TEDC2: variants seen among roughly 807,000 people sequenced by gnomAD.
TEDC2 encodes tubulin epsilon and delta complex protein 2.
TEDC2 carries 49 observed loss-of-function variants against 48.1 expected under a neutral mutation model. The ratio of observed to expected loss-of-function variants is 1.02; its 90% confidence interval spans 0.81 to 1.29. The LOEUF (loss-of-function observed/expected upper bound fraction) is 1.29. TEDC2 is among the 50% of genes most tolerant of loss of function. TEDC2 has a pLI of 0.00. For synonymous variants in TEDC2, 299 were observed against 247.1 expected, an observed-to-expected ratio of 1.21 and a Z score of -1.97; for missense variants, 631 against 571.4, an observed-to-expected ratio of 1.10 and a Z score of -1.06.
In TEDC2 at chr16:2,460,166, C is replaced by T. The variant is rs769454948; in HGVS notation, c.22C>T (p.Arg8Cys). 3.0e-6 allele frequency: 4 copies of T among 1,348,898 alleles called. No individual in the cohort carries two copies. In the South Asian group the frequency reaches 7.4e-5, roughly 25 times the overall value. 83.6% of individuals were successfully genotyped at this position (1,348,898 alleles called of 1,614,324 possible). Residue 8 changes from arginine (R) to cysteine (C), a missense_variant, in exon 1 of 10, where the codon CGC (arginine) becomes TGC (cysteine). By Grantham distance (180) the Arg-to-Cys change is radical. Coordinates refer to ENST00000361837, the MANE Select transcript of TEDC2 (RefSeq NM_025108.3). ...CTTCATGCTGCCGGCGGGCTGCTCGCGCCGGTGAGGCCTGCGCGGCAGGAG... is the reference window on the plus strand; with the variant it reads ...CTTCATGCTGCCGGCGGGCTGCTCGTGCCGGTGAGGCCTGCGCGGCAGGAG... MLPAGCS[R>C]RLVAELQGAL...
rs375279557 is a variant in TEDC2 at position 2,462,407 on chromosome 16, A to G, written c.751-8A>G. On this transcript the variant is annotated splice_region_variant and splice_polypyrimidine_tract_variant and intron_variant, in intron 6 of 9. Coordinates refer to ENST00000361837, the MANE Select transcript of TEDC2 (RefSeq NM_025108.3). ...GGCTGCAGGGAAGTTTTCCTGACCC[A>G]TATCCAGTCAGGCGGGCCCCAGCCC... The G allele has an allele frequency of 3.7e-6, 6 of 1,611,716 alleles. No homozygotes were observed. The African/African-American group carries it at 4.0e-5, about 11-fold the overall frequency.
rs771920916 is a variant in TEDC2 at position 2,464,696 on chromosome 16, T to A, written c.*28T>A. 3 of 1,611,860 alleles carry A rather than the reference T, an allele frequency of 1.9e-6. No individual in the cohort carries two copies. The highest frequency in any genetic ancestry group is 2.5e-6 in the Non-Finnish European group (3 of 1,179,644). ...CTTTCCCATGCTGCCCTCGGCCTGTTCAGATGGGGATTGGGGGTGTCTTCC... is the reference window on the plus strand; with the variant it reads ...CTTTCCCATGCTGCCCTCGGCCTGTACAGATGGGGATTGGGGGTGTCTTCC... On this transcript the variant is annotated 3_prime_UTR_variant, in exon 10 of 10. Transcript: ENST00000361837.
At chr16:2,461,485 C>A in intron 4 of TEDC2, 1 of 644,728 alleles carries the variant, frequency 1.6e-6, no homozygotes, top group Non-Finnish European at 2.6e-6. Flanking sequence ...AGGCCAGAGG[C>A]TCCAGATGGG....
chr16:2,462,754 G>C (rs1157050864), intron 8 of TEDC2, 22 bp downstream of exon 8: 1 of 1,523,386 alleles, frequency 6.6e-7, no homozygotes, highest in East Asian at 2.5e-5. Context: ...CCCCCACCCT[G>C]CCACCTGCAC....
At position 2,460,833 on chromosome 16, in the gene TEDC2, CA is replaced by C; in HGVS notation, c.216del (p.Asp73ThrfsTer8). Reference sequence around the variant, plus strand: ...TTTCACAGCATGCACACCCAGTCCACAAGACCTCAAAGAGTTGGAGTTTCTG... The same window carrying C: ...TTTCACAGCATGCACACCCAGTCCACAGACCTCAAAGAGTTGGAGTTTCTG... ...DPLPACTPSP[Q>X]DLKELEFLTQ... On this transcript the variant is annotated frameshift_variant, in exon 4 of 10. Coordinates refer to ENST00000361837, the MANE Select transcript of TEDC2 (RefSeq NM_025108.3). LOFTEE classifies it high-confidence loss of function. 6.2e-7 allele frequency: 1 copy of C among 1,612,806 alleles called. No individual in the cohort carries two copies. Among genetic ancestry groups the C allele is most frequent in the Non-Finnish European group, 8.5e-7 (1 of 1,179,656 alleles).
At position 2,461,809 on chromosome 16, in the gene TEDC2, G is replaced by A; in HGVS notation, c.659+9G>A. 6.2e-7 allele frequency: 1 copy of A among 1,613,512 alleles called. No individual in the cohort carries two copies. Among genetic ancestry groups the A allele is most frequent in the Non-Finnish European group, 8.5e-7 (1 of 1,179,990 alleles). Reference sequence around the variant, plus strand: ...GCTTCCCAGAACTCGAGGTGAGGCTGAGGTCTTTGGCTGGACGGGGGTAGG... The same window carrying A: ...GCTTCCCAGAACTCGAGGTGAGGCTAAGGTCTTTGGCTGGACGGGGGTAGG... On this transcript the variant is annotated intron_variant, in intron 5 of 9. Coordinates refer to ENST00000361837, the MANE Select transcript of TEDC2 (RefSeq NM_025108.3).
rs112474746 is a variant in TEDC2, at chr16:2,461,515, TGCTCACAGGGCCCC to T, written c.606-217_606-204del. ...GATGGGCTCTGGAGGGCGTGGGATC[TGCTCACAGGGCCCC>T]GCTCACAGGGCCCCCTCTTCTCTCT... is the stretch of plus-strand genomic sequence containing the variant. On this transcript the variant is annotated intron_variant, in intron 4 of 9. Coordinates refer to ENST00000361837, the MANE Select transcript of TEDC2 (RefSeq NM_025108.3). 7.3e-3 allele frequency: 4,644 copies of T among 639,858 alleles called. 143 individuals carry two copies. The African/African-American group carries it at 0.075, about 10-fold the overall frequency. 39.6% of individuals were successfully genotyped at this position (639,858 alleles called of 1,614,324 possible). A position where few individuals can be genotyped will look rare whatever the true frequency, so the allele number is the denominator to read the frequency against.
In TEDC2 at chr16:2,464,665, C is replaced by G; in HGVS notation, c.1299C>G (p.Val433=). The G allele has an allele frequency of 6.2e-7, 1 of 1,613,056 alleles. No homozygotes were observed. Among genetic ancestry groups the G allele is most frequent in the South Asian group, 1.1e-5 (1 of 91,068 alleles). ...CCATCCTGCGGGATGAACCTGCAGT[C>G]TGAGCCTTTCCCATGCTGCCCTCGG... ...VLTILRDEPA[V] is the part of the protein sequence containing the mutation. Residue 433 remains valine, a synonymous_variant, in exon 10 of 10, where the codon GTC becomes GTG. Coordinates refer to ENST00000361837, the MANE Select transcript of TEDC2 (RefSeq NM_025108.3).
At chr16:2,461,304 G>A in intron 4 of TEDC2, 80 bp downstream of exon 4, 1 of 1,416,014 alleles carries the variant, frequency 7.1e-7, no homozygotes, top group Non-Finnish European at 9.3e-7. Flanking sequence ...CTGGGATTTG[G>A]GGTGACAGGG....
At chr16:2,460,507 TCCTTACCCTGCAGGCTCTGAGCTGGGGG>T (rs2141837289) in intron 2 of TEDC2, 88 bp from the exon 3 acceptor site, 1 of 1,514,128 alleles carries the variant, frequency 6.6e-7, no homozygotes, top group South Asian at 1.2e-5. Context: ...AGTGCCACCC[TCCTTACCCTGCAGGCTCTGAGCTGGGGG>T]CCTGCCGCGG....
intron 2 of TEDC2, 116 bp from the exon 3 acceptor site, chr16:2,460,507 T>G: frequency 6.6e-7 from 1 of 1,514,128 alleles, no homozygotes; most frequent in African/African-American, 1.4e-5. Context: ...AGTGCCACCC[T>G]CCTTACCCTG....
chr16:2,464,097 G>A lies in TEDC2; in HGVS notation c.1023G>A (p.Pro341=), dbSNP rs371052068. Residue 341 remains proline (P), a synonymous_variant, in exon 9 of 10, where the codon CCG becomes CCA. Transcript: ENST00000361837. ...CPVGRPPGAS[P]SCGGRAEPAW... ...TGGGGAGGCCCCCCGGAGCCTCGCC[G>A]TCCTGTGGGGGTAGAGCGGAGCCTG... is the stretch of plus-strand genomic sequence containing the variant. 527 of 1,612,800 alleles carry A rather than the reference G, an allele frequency of 3.3e-4. 1 individual carries two copies. Among genetic ancestry groups the A allele is most frequent in the Non-Finnish European group, 4.0e-4 (472 of 1,179,968 alleles).
At chr16:2,461,483 G>A in intron 4 of TEDC2, 1 of 639,586 alleles carries the variant, frequency 1.6e-6, no homozygotes, top group South Asian at 2.2e-5. Context: ...CCAGGCCAGA[G>A]GCTCCAGATG....
At chr16:2,462,904 C>G (rs1672406594) in intron 8 of TEDC2, among the ~76,000 whole-genome samples, 172 bp downstream of exon 8, 1 of 152,232 alleles carries the variant, frequency 6.6e-6, no homozygotes. Context: ...GGGTCCTCAC[C>G]AGTCGTCCTA....
In TEDC2 at chr16:2,464,574, C is replaced by T. The variant is rs973381757; in HGVS notation, c.1208C>T (p.Pro403Leu). Residue 403 changes from proline to leucine, a missense_variant, in exon 10 of 10, where the codon CCG (proline) becomes CTG (leucine). Pro to Leu is a moderately conservative substitution (Grantham distance 98). Coordinates refer to ENST00000361837, the MANE Select transcript of TEDC2 (RefSeq NM_025108.3). ...GTAAGCGCTGCACAGCCGCAGGGGC[C>T]GCCCTGGCTGGCCCTGTGCCGGGCT... The part of the protein sequence containing the change: ...PLVSAAQPQG[P>L]PWLALCRAVH... 8.1e-6 allele frequency: 13 copies of T among 1,607,336 alleles called. No homozygotes were observed. Among genetic ancestry groups the T allele is most frequent in the East Asian group, 4.5e-5 (2 of 44,880 alleles).
At chr16:2,464,283 C>T (rs1192276100) in intron 9 of TEDC2, 54 bp downstream of exon 9, 1 of 1,571,852 alleles carries the variant, frequency 6.4e-7, no homozygotes, top group South Asian at 1.1e-5. Context: ...CCTTGAGGAC[C>T]CGAGGGTAGG....
intron 4 of TEDC2, 72 bp downstream of exon 4, chr16:2,461,296 G>A: frequency 1.4e-6 from 2 of 1,422,158 alleles, no homozygotes; most frequent in East Asian, 5.1e-5. Flanking sequence ...CAAGGAGCCT[G>A]GGATTTGGGG....
At chr16:2,463,513 G>A (rs971995803) in intron 8 of TEDC2, among the ~76,000 whole-genome samples, 5 of 151,808 alleles carry the variant, frequency 3.3e-5, no homozygotes, top group Non-Finnish European at 5.9e-5. Flanking sequence ...TGTAATCCCA[G>A]CTACTTGGGA....
rs775364145 is a variant in TEDC2 at position 2,461,800 on chromosome 16, G to A, written c.659G>A (p.Ser220Asn). 3.7e-6 allele frequency: 6 copies of A among 1,613,542 alleles called. No homozygotes were observed. The highest frequency in any genetic ancestry group is 5.1e-6 in the Non-Finnish European group (6 of 1,180,000). ...AFRKAASQNS[S>N]LWAQLSSTQT... Reference sequence around the variant, plus strand: ...AGGAAAGCAGCTTCCCAGAACTCGAGGTGAGGCTGAGGTCTTTGGCTGGAC... The same window carrying A: ...AGGAAAGCAGCTTCCCAGAACTCGAAGTGAGGCTGAGGTCTTTGGCTGGAC... Residue 220 changes from serine to asparagine, a missense_variant and splice_region_variant, in exon 5 of 10, where the codon AGC becomes AAC. Transcript: ENST00000361837.
Sources: allele counts gnomAD v4.1 joint callset (sites outside exome capture counted in the v4.1 genomes callset), GRCh38; gene constraint gnomAD v4.1.1; transcripts MANE v1.5; gene names NCBI Gene and HGNC (gene_info 2026-07-23, HGNC 2026-07-21).